Variants in LYPD6B observed in about 807,000 individuals in gnomAD.
LYPD6B encodes ly6/PLAUR domain-containing protein 6B.
LYPD6B carries 17 observed loss-of-function variants against 22.8 expected under a neutral mutation model. The ratio of observed to expected loss-of-function variants is 0.75; its 90% CI spans 0.51 to 1.12. The LOEUF (loss-of-function observed/expected upper bound fraction) is 1.12. LYPD6B is among the 50% of genes most tolerant of loss of function. The probability of loss-of-function intolerance (pLI) is 0.00; values close to 1 mark genes in which losing one functional copy is unlikely to be tolerated. For missense variants in LYPD6B, 221 were observed against 258.3 expected, an observed-to-expected ratio of 0.86 and a Z score of 0.99; for synonymous variants, 106 against 91.6, an observed-to-expected ratio of 1.16 and a Z score of -0.90.
At chr2:149,065,083 A>G (rs1558976612) in intron 1 of LYPD6B, among the ~76,000 whole-genome samples, 1 of 152,242 alleles carries the variant, frequency 6.6e-6, no homozygotes, top group East Asian at 1.9e-4. Flanking sequence ...GACTGCCTGA[A>G]CTGTTTTGAA....
intron 1 of LYPD6B, among the ~76,000 whole-genome samples, chr2:149,058,593 C>T (rs1029312940): frequency 6.6e-6 from 1 of 152,274 alleles, no homozygotes; most frequent in African/African-American, 2.4e-5. Flanking sequence ...CAGCCTCTGA[C>T]TCTAGAAACA....
rs768502254 is a variant in LYPD6B, at chr2:149,213,107, A to G, written c.444A>G (p.Arg148=). The G allele has an allele frequency of 1.2e-6, 2 of 1,613,526 alleles. No homozygotes were observed. The highest frequency in any genetic ancestry group is 2.7e-5 in the African/African-American group (2 of 74,810). The change falls in exon 6 of 7, where the codon CGA becomes CGG. Residue 148 remains arginine, a synonymous_variant. Coordinates refer to ENST00000409642, the MANE Select transcript of LYPD6B (RefSeq NM_177964.5). ...ECHFVGCHHS[R]DSEHTECRSC... Reference sequence around the variant, plus strand: ...ATTTTGTCGGTTGCCACCACAGCCGAGATTCTGAACATACGGTAAGGATCG... The same window carrying G: ...ATTTTGTCGGTTGCCACCACAGCCGGGATTCTGAACATACGGTAAGGATCG...
chr2:149,160,474 T>A, intron 2 of LYPD6B: 2 of 521,640 alleles, frequency 3.8e-6, no homozygotes, highest in Non-Finnish European at 7.4e-6. Context: ...TGGAGGGATG[T>A]GATGAGGTGT....
At chr2:149,068,333 T>A (rs1684436947) in intron 1 of LYPD6B, among the ~76,000 whole-genome samples, 2 of 152,180 alleles carry the variant, frequency 1.3e-5, no homozygotes, top group African/African-American at 4.8e-5. Context: ...CAAGTCTAGT[T>A]GTTCCAAGAG....
intron 1 of LYPD6B, among the ~76,000 whole-genome samples, chr2:149,060,357 A>T (rs923251319): frequency 6.6e-6 from 1 of 152,160 alleles, no homozygotes; most frequent in Non-Finnish European, 1.5e-5. Context: ...GGTTGTTATG[A>T]GCAATAACTA....
At chr2:149,131,183 C>G in intron 2 of LYPD6B, 1 of 477,578 alleles carries the variant, frequency 2.1e-6, no homozygotes. Flanking sequence ...AAAGCTGTGT[C>G]TCAGAATGTT....
chr2:149,071,333 G>A (rs771424193), intron 1 of LYPD6B, among the ~76,000 whole-genome samples: 1 of 152,154 alleles, frequency 6.6e-6, no homozygotes, highest in African/African-American at 2.4e-5. Context: ...GGGATTTGCT[G>A]TATTTGCATA....
intron 3 of LYPD6B, chr2:149,188,778 A>G (rs1030612005): frequency 1.8e-6 from 1 of 569,550 alleles, no homozygotes; most frequent in African/African-American, 2.0e-5. Flanking sequence ...GTGGGTAGCT[A>G]GTATTTATGG....
intron 3 of LYPD6B, among the ~76,000 whole-genome samples, chr2:149,163,482 G>C (rs1690217714): frequency 6.6e-6 from 1 of 152,138 alleles, no homozygotes; most frequent in Non-Finnish European, 1.5e-5. Flanking sequence ...AGGCTACCGG[G>C]CTTGTGTAAG....
At chr2:149,204,343 T>G (rs967097107) in intron 3 of LYPD6B, among the ~76,000 whole-genome samples, 1 of 152,212 alleles carries the variant, frequency 6.6e-6, no homozygotes, top group Non-Finnish European at 1.5e-5. Flanking sequence ...CTTTTTCTGC[T>G]GCCCACACCT....
chr2:149,126,132 T>C (rs1478174394), intron 1 of LYPD6B, among the ~76,000 whole-genome samples: 2 of 152,236 alleles, frequency 1.3e-5, no homozygotes, highest in Non-Finnish European at 2.9e-5. Context: ...GACTTCAGTG[T>C]GGCTGCTGAG....
At chr2:149,156,812 C>T (rs1432281809) in intron 2 of LYPD6B, among the ~76,000 whole-genome samples, 1 of 152,142 alleles carries the variant, frequency 6.6e-6, no homozygotes, top group Non-Finnish European at 1.5e-5. Context: ...CAGCCCACAA[C>T]AGAAGGGAAT....
intron 1 of LYPD6B, among the ~76,000 whole-genome samples, chr2:149,084,793 C>G (rs1685311746): frequency 1.3e-5 from 2 of 152,076 alleles, no homozygotes; most frequent in Non-Finnish European, 2.9e-5. Context: ...GCATCTTTTC[C>G]CCTCTTAGTC....
intron 1 of LYPD6B, among the ~76,000 whole-genome samples, chr2:149,043,809 G>A (rs1683192087): frequency 6.6e-6 from 1 of 152,036 alleles, no homozygotes; most frequent in East Asian, 1.9e-4. Context: ...TTGTATAAGG[G>A]ATAAAGTATG....
Position 149,071,375 on chromosome 2 carries a change from G to A in LYPD6B, c.-67+32574G>A, listed in dbSNP as rs1684594532. Among the ~76,000 whole-genome samples, 3 of 152,282 alleles carry A rather than the reference G, an allele frequency of 2.0e-5. No homozygotes were observed. The South Asian group carries it at 6.2e-4, about 32-fold the overall frequency. ...CAGTCCTGGGAGAGGTAAAGGATGG[G>A]AATCACTGTTTAAATAGAGGTTCCA... On this transcript the variant is annotated intron_variant, in intron 1 of 6. Coordinates refer to ENST00000409642, the MANE Select transcript of LYPD6B (RefSeq NM_177964.5).
chr2:149,192,517 G>T (rs1692563716), intron 3 of LYPD6B, among the ~76,000 whole-genome samples: 1 of 151,636 alleles, frequency 6.6e-6, no homozygotes, highest in Admixed American at 6.6e-5. Flanking sequence ...ATGGTGAAAG[G>T]TGGAGGAATG....
At chr2:149,070,936 G>A (rs1237690940) in intron 1 of LYPD6B, among the ~76,000 whole-genome samples, 1 of 152,172 alleles carries the variant, frequency 6.6e-6, no homozygotes, top group Non-Finnish European at 1.5e-5. Context: ...TATTCGCCGT[G>A]GGATAGGTAA....
chr2:149,186,793 G>A (rs1299140130), intron 3 of LYPD6B, among the ~76,000 whole-genome samples: 1 of 152,148 alleles, frequency 6.6e-6, no homozygotes, highest in Non-Finnish European at 1.5e-5. Flanking sequence ...GGTTTGAGAG[G>A]ATTGGCTCCA....
At chr2:149,163,246 G>C (rs568950636) in intron 3 of LYPD6B, among the ~76,000 whole-genome samples, 20 of 152,278 alleles carry the variant, frequency 1.3e-4, no homozygotes, top group African/African-American at 4.3e-4. Flanking sequence ...TTTTGGTTGA[G>C]CTCAGTGGAG....
Sources: gnomAD v4.1 joint callset for allele counts (sites outside exome capture counted in the v4.1 genomes callset) on GRCh38, gnomAD v4.1.1 for gene constraint, MANE v1.5 for transcripts, NCBI Gene and HGNC (gene_info 2026-07-23, HGNC 2026-07-21) for gene names.